NUBP1: variants seen among roughly 807,000 people sequenced by gnomAD.
The protein encoded by NUBP1 is NUBP iron-sulfur cluster assembly factor 1, cytosolic.
Under a neutral mutation model 41.8 loss-of-function variants are expected in NUBP1, and 46 were observed. The ratio of observed to expected loss-of-function variants is 1.10; its 90% CI spans 0.87 to 1.41. The LOEUF (loss-of-function observed/expected upper bound fraction) is 1.41, where lower values mean the gene tolerates loss of function less well. Ranked by LOEUF, NUBP1 falls within the 40% of genes most tolerant of loss-of-function variation. The pLI, the probability that NUBP1 is intolerant of heterozygous loss-of-function variation, is 0.00. For missense variants in NUBP1, 494 were observed against 414.0 expected (o/e 1.19, Z -1.68); for synonymous variants, 189 against 154.6 (o/e 1.22, Z -1.65).
chr16:10,754,049 T>G (rs1900444615), intron 4 of NUBP1, among the ~76,000 whole-genome samples: 2 of 152,162 alleles, frequency 1.3e-5, no homozygotes, highest in African/African-American at 2.4e-5. Flanking sequence ...TATAAGCTAC[T>G]GTCATCACAC....
chr16:10,768,008 T>C lies in NUBP1; in HGVS notation c.880T>C (p.Leu294=), dbSNP rs1477582122. The change falls in exon 10 of 11, where the codon TTA becomes CTA. Residue 294 remains leucine (L), a synonymous_variant. Coordinates refer to ENST00000283027, the MANE Select transcript of NUBP1 (RefSeq NM_002484.4). The surrounding 1 kb of genome is among the most constrained non-coding windows in gnomAD (Gnocchi z 4.3). The part of the protein sequence containing the change: ...FIDAPDSPAT[L]AYRSIIQRIQ... ...TGACGCCCCAGATTCCCCAGCCACG[T>C]TAGCCTACAGAAGTATAATTCAGAG... 1.9e-6 allele frequency: 3 copies of C among 1,614,128 alleles called. No homozygotes were observed. The highest frequency in any genetic ancestry group is 2.5e-6 in the Non-Finnish European group (3 of 1,180,014).
rs1900371461 is a variant in NUBP1 at position 10,752,632 on chromosome 16, T to C, written c.281T>C (p.Ile94Thr). The change falls in exon 4 of 11, where the codon ATA (isoleucine) becomes ACA (threonine). Residue 94 changes from isoleucine to threonine, a missense_variant. Ile to Thr is a moderately conservative substitution (Grantham distance 89). Coordinates refer to ENST00000283027, the MANE Select transcript of NUBP1 (RefSeq NM_002484.4). Reference protein sequence around the residue: ...NTQIALLDIDICGPSIPKIMG... With the variant: ...NTQIALLDIDTCGPSIPKIMG... ...CAGATTGCTCTTCTAGACATCGATA[T>C]ATGTGGGCCATCGATTCCCAAGATA... is the stretch of plus-strand genomic sequence containing the variant. 6.2e-6 allele frequency: 10 copies of C among 1,613,684 alleles called. No homozygotes were observed. The highest frequency in any genetic ancestry group is 2.2e-5 in the East Asian group (1 of 44,892).
At chr16:10,758,087 TCCTA>T in intron 7 of NUBP1, 60 bp downstream of exon 7, 1 of 1,575,974 alleles carries the variant, frequency 6.3e-7, no homozygotes. Context: ...GAGATTTCTT[TCCTA>T]CCTGGCTCTG....
chr16:10,761,498 G>T (rs1041745551), intron 8 of NUBP1, 24 bp downstream of exon 8: 1 of 1,589,958 alleles, frequency 6.3e-7, no homozygotes, highest in Non-Finnish European at 8.6e-7. Flanking sequence ...GGGCTGCCAG[G>T]CGAGCAAGAT....
rs191632392 is a variant in NUBP1 at position 10,755,399 on chromosome 16, A to G, written c.328-322A>G. The stretch of plus-strand genomic sequence containing the variant: ...CCACAGGTATCTGCATTTTCTCATC[A>G]GTCCCCAGCCGATTTTTATGACTCT... On this transcript the variant is annotated intron_variant, in intron 4 of 10. Coordinates refer to ENST00000283027, the MANE Select transcript of NUBP1 (RefSeq NM_002484.4). Among the ~76,000 whole-genome samples the G allele has an allele frequency of 2.1e-3, 316 of 152,300 alleles. 2 individuals carry two copies. The highest frequency in any genetic ancestry group is 7.4e-3 in the African/African-American group (306 of 41,564).
At chr16:10,744,418 T>A (rs1899968067) in intron 2 of NUBP1, among the ~76,000 whole-genome samples, 1 of 152,200 alleles carries the variant, frequency 6.6e-6, no homozygotes, top group Non-Finnish European at 1.5e-5. Context: ...GGGATAAGCT[T>A]CGAAGTCGGG....
chr16:10,746,263 T>C (rs755828096), intron 2 of NUBP1, among the ~76,000 whole-genome samples: 4 of 152,356 alleles, frequency 2.6e-5, no homozygotes, highest in East Asian at 1.9e-4. Context: ...TGAAATAAGA[T>C]AGTTTCATTG....
intron 4 of NUBP1, among the ~76,000 whole-genome samples, chr16:10,754,792 C>G (rs1270648208): frequency 1.3e-5 from 2 of 151,938 alleles, no homozygotes; most frequent in Admixed American, 1.3e-4. Flanking sequence ...CACCTGCAAT[C>G]CCAACACTTT....
chr16:10,747,363 G>C (rs1900111362), intron 3 of NUBP1, 87 bp downstream of exon 3: 4 of 1,547,226 alleles, frequency 2.6e-6, no homozygotes, highest in East Asian at 2.3e-5. Context: ...GCCAGGCGCA[G>C]TGGTTCATGC....
rs748957492 is a variant in NUBP1 at position 10,761,828 on chromosome 16, C to G, written c.789C>G (p.Leu263=). The G allele has an allele frequency of 6.2e-7, 1 of 1,614,140 alleles. No individual in the cohort carries two copies. The highest frequency in any genetic ancestry group is 8.5e-7 in the Non-Finnish European group (1 of 1,179,984). The change falls in exon 9 of 11, where the codon CTC becomes CTG. Residue 263 remains leucine (L), a synonymous_variant. Transcript: ENST00000283027. The part of the protein sequence containing the change: ...ELMCQDLEVP[L]LGRVPLDPLI... Reference sequence around the variant, plus strand: ...TGTGCCAGGACTTGGAGGTCCCTCTCCTCGGCAGAGTGCCCCTGGATCCGC... The same window carrying G: ...TGTGCCAGGACTTGGAGGTCCCTCTGCTCGGCAGAGTGCCCCTGGATCCGC...
intron 7 of NUBP1, among the ~76,000 whole-genome samples, chr16:10,758,542 G>T (rs1487663285): frequency 2.6e-5 from 4 of 152,030 alleles, no homozygotes; most frequent in Non-Finnish European, 5.9e-5. Flanking sequence ...TCAACGATTT[G>T]GTTTTTTTTT....
chr16:10,749,122 C>CACAG lies in NUBP1; in HGVS notation c.258+1849_258+1850insGACA, dbSNP rs1374642740. On this transcript the variant is annotated intron_variant, in intron 3 of 10. Transcript: ENST00000283027. The surrounding 1 kb of genome is among the most constrained non-coding windows in gnomAD (Gnocchi z 4.1). Reference sequence around the variant, plus strand: ...AAAAGGATATAGATAGATACACAGACACATACACACACACACACACACACA... The same window carrying CACAG: ...AAAAGGATATAGATAGATACACAGACACAGACATACACACACACACACACACACA... Among the ~76,000 whole-genome samples the CACAG allele has an allele frequency of 1.1e-5, 1 of 91,672 alleles. No individual in the cohort carries two copies. Among genetic ancestry groups the CACAG allele is most frequent in the East Asian group, 3.4e-4 (1 of 2,928 alleles). 60.1% of individuals were successfully genotyped at this position (91,672 alleles called of 152,430 possible).
intron 4 of NUBP1, among the ~76,000 whole-genome samples, chr16:10,753,882 G>T (rs1900434767): frequency 6.6e-6 from 1 of 152,160 alleles, no homozygotes; most frequent in Non-Finnish European, 1.5e-5. Flanking sequence ...GTGACCAGAG[G>T]GGCTGGAGGG....
intron 8 of NUBP1, 44 bp downstream of exon 8, chr16:10,761,518 A>G (rs1208545429): frequency 1.3e-6 from 2 of 1,498,700 alleles, no homozygotes; most frequent in Non-Finnish European, 1.9e-6. Flanking sequence ...TCTTGCTCTC[A>G]TGGATGAGGA....
At position 10,752,724 on chromosome 16, in the gene NUBP1, ACT is replaced by A. The variant is rs549987935; in HGVS notation, c.327+49_327+50del. ...TCAGGAAATTATTCTCTTAAGGCAA[ACT>A]CTGTAGCACTGAACTGTCAAACCTC... On this transcript the variant is annotated intron_variant, in intron 4 of 10. Transcript: ENST00000283027. 2.1e-4 allele frequency: 310 copies of A among 1,459,026 alleles called. 2 individuals are homozygous for A. In the African/African-American group the frequency reaches 3.2e-3, roughly 15 times the overall value. The allele number at this position is 1,459,026 out of a possible 1,614,324, so 90.4% of individuals were successfully genotyped here.
chr16:10,754,452 A>AGGCTG (rs901226290), intron 4 of NUBP1, among the ~76,000 whole-genome samples: 2 of 151,936 alleles, frequency 1.3e-5, no homozygotes, highest in African/African-American at 4.8e-5. Context: ...CATGTTGACC[A>AGGCTG]GGCTGGTCTC....
chr16:10,747,689 A>G (rs1900125118), intron 3 of NUBP1, among the ~76,000 whole-genome samples: 1 of 152,212 alleles, frequency 6.6e-6, no homozygotes, highest in African/African-American at 2.4e-5. Flanking sequence ...TGGAATCTCA[A>G]TCCGGCAGAG....
At chr16:10,751,104 G>T (rs927137913) in intron 3 of NUBP1, among the ~76,000 whole-genome samples, 1 of 152,132 alleles carries the variant, frequency 6.6e-6, no homozygotes, top group Admixed American at 6.6e-5. Context: ...GGCCTGCCAC[G>T]GGAGTGAGAG....
intron 7 of NUBP1, among the ~76,000 whole-genome samples, chr16:10,758,642 T>C (rs1900735335): frequency 6.6e-6 from 1 of 152,214 alleles, no homozygotes; most frequent in Non-Finnish European, 1.5e-5. Context: ...TTATAATTCA[T>C]ACTGTGCTGC....
Sources: gnomAD v4.1 joint callset for allele counts (sites outside exome capture counted in the v4.1 genomes callset) on GRCh38, gnomAD v4.1.1 for gene constraint, Gnocchi (gnomAD v3.1) non-coding constraint, MANE v1.5 for transcripts, NCBI Gene and HGNC (gene_info 2026-07-23, HGNC 2026-07-21) for gene names.